Variants in SNX2 observed in about 807,000 individuals in gnomAD.
SNX2 encodes the protein sorting nexin 2.
SNX2 carries 25 observed loss-of-function variants against 69.9 expected under a neutral mutation model. That is an observed-to-expected ratio of 0.36 (90% CI 0.26 to 0.50). The LOEUF is 0.50. Among genes scored for constraint, SNX2 ranks in the 20% least tolerant of loss-of-function variants. The probability of loss-of-function intolerance (pLI) is 0.97; values close to 1 mark genes in which losing one functional copy is unlikely to be tolerated. For missense variants in SNX2, 551 were observed against 613.3 expected, an observed-to-expected ratio of 0.90 and a Z score of 1.07; for synonymous variants, 229 against 200.4, an observed-to-expected ratio of 1.14 and a Z score of -1.20.
intron 1 of SNX2, among the ~76,000 whole-genome samples, chr5:122,779,895 C>T (rs1314773234): frequency 1.3e-5 from 2 of 152,042 alleles, no homozygotes; most frequent in African/African-American, 4.8e-5. Flanking sequence ...TCCTGTCCTC[C>T]CCTTACAGGC....
intron 1 of SNX2, 149 bp from the exon 2 acceptor site, chr5:122,795,117 C>A: frequency 1.7e-6 from 1 of 573,224 alleles, no homozygotes; most frequent in East Asian, 2.8e-5. Flanking sequence ...TTAGTTCATT[C>A]TTACTCTCAG....
intron 10 of SNX2, 51 bp downstream of exon 10, chr5:122,817,424 T>C (rs778437567): frequency 4.5e-6 from 5 of 1,102,146 alleles, no homozygotes; most frequent in Non-Finnish European, 6.5e-6. Context: ...CTAATGAAAA[T>C]ATTTTATTTA....
rs1361123139 is a variant in SNX2 at position 122,831,331 on chromosome 5, C to G, written c.*1683C>G. Among the ~76,000 whole-genome samples the G allele has an allele frequency of 1.3e-5, 2 of 151,840 alleles. No individual in the cohort carries two copies. The highest frequency in any genetic ancestry group is 2.9e-5 in the Non-Finnish European group (2 of 67,972). On this transcript the variant is annotated 3_prime_UTR_variant, in exon 15 of 15. Coordinates refer to ENST00000379516, the MANE Select transcript of SNX2 (RefSeq NM_003100.4). ...AATAATAAGGGCTTGATGGGCCAGG[C>G]ACAGTGACTCACATGCCTGTAGTCC... is the stretch of plus-strand genomic sequence containing the variant.
At chr5:122,801,848 A>G (rs201925986) in intron 3 of SNX2, 21 bp from the exon 4 acceptor site, 1 of 1,452,060 alleles carries the variant, frequency 6.9e-7, no homozygotes, top group South Asian at 1.2e-5. Context: ...TTAATGCCAA[A>G]AAATAATTTA....
intron 1 of SNX2, among the ~76,000 whole-genome samples, chr5:122,789,812 T>C (rs1289812315): frequency 6.6e-6 from 1 of 152,202 alleles, no homozygotes; most frequent in Non-Finnish European, 1.5e-5. Context: ...AGGAAAGGAA[T>C]AGACTCTCTA....
intron 12 of SNX2, 54 bp from the exon 13 acceptor site, chr5:122,827,325 C>T (rs1231565326): frequency 7.0e-7 from 1 of 1,431,836 alleles, no homozygotes; most frequent in Non-Finnish European, 9.8e-7. Flanking sequence ...GTGGTCTTGA[C>T]AGTACTATAC....
chr5:122,811,091 G>A lies in SNX2; in HGVS notation c.722+2736G>A, dbSNP rs569304600. Among the ~76,000 whole-genome samples, 6 of 152,260 alleles carry A rather than the reference G, an allele frequency of 3.9e-5. No homozygotes were observed. In the South Asian group the frequency reaches 1.2e-3, roughly 32 times the overall value. ...CATCTGTGGGATACCCAACCCAGTT[G>A]GATCTGGTGGGTTAGGGAAGCATTT... is the stretch of plus-strand genomic sequence containing the variant. On this transcript the variant is annotated intron_variant, in intron 7 of 14. Coordinates refer to ENST00000379516, the MANE Select transcript of SNX2 (RefSeq NM_003100.4).
rs1752840995 is a variant in SNX2 at position 122,775,670 on chromosome 5, G to A, written c.108+459G>A. The A allele has an allele frequency of 6.1e-6, 6 of 986,834 alleles. No homozygotes were observed. The South Asian group carries it at 2.8e-4, about 46-fold the overall frequency. The allele number at this position is 986,834 out of a possible 1,614,324, so 61.1% of individuals were successfully genotyped here. Reference sequence around the variant, plus strand: ...GAGCGCTGAGGGGCCGAGGGTCTGTGGGGAACGAATGGGTGCACTTTCCCA... The same window carrying A: ...GAGCGCTGAGGGGCCGAGGGTCTGTAGGGAACGAATGGGTGCACTTTCCCA... On this transcript the variant is annotated intron_variant, in intron 1 of 14. Coordinates refer to ENST00000379516, the MANE Select transcript of SNX2 (RefSeq NM_003100.4).
chr5:122,793,068 A>G (rs1250175102), intron 1 of SNX2, among the ~76,000 whole-genome samples: 1 of 152,230 alleles, frequency 6.6e-6, no homozygotes, highest in Non-Finnish European at 1.5e-5. Context: ...GTTTACTAAT[A>G]ACTTCTAAAG....
intron 14 of SNX2, among the ~76,000 whole-genome samples, chr5:122,828,464 G>A (rs1754208615): frequency 6.6e-6 from 1 of 151,950 alleles, no homozygotes; most frequent in African/African-American, 2.4e-5. Context: ...GACTATTCAA[G>A]GAAGACTGAC....
intron 2 of SNX2, among the ~76,000 whole-genome samples, chr5:122,798,424 A>C (rs1166938306): frequency 6.6e-6 from 1 of 152,228 alleles, no homozygotes; most frequent in Admixed American, 6.5e-5. Context: ...TCTCATCAAC[A>C]TGAGATAACC....
At position 122,834,384 on chromosome 5, in the gene SNX2, T is replaced by C. The variant is rs947767919; in HGVS notation, c.*4736T>C. The C allele has an allele frequency of 3.9e-5, 6 of 152,228 alleles. No individual in the cohort carries two copies. The highest frequency in any genetic ancestry group is 1.4e-4 in the African/African-American group (6 of 41,466). 9.4% of individuals were successfully genotyped at this position (152,228 alleles called of 1,614,324 possible). A position where few individuals can be genotyped will look rare whatever the true frequency, so the allele number is the denominator to read the frequency against. ...TTAACTGGGCAAAATGGAAACTTTG[T>C]AACTGAAGCCAGTCAAGGTGAATAC... On this transcript the variant is annotated 3_prime_UTR_variant, in exon 15 of 15. Transcript: ENST00000379516.
At chr5:122,805,937 C>T (rs957478841) in intron 6 of SNX2, among the ~76,000 whole-genome samples, 2 of 151,864 alleles carry the variant, frequency 1.3e-5, no homozygotes, top group African/African-American at 2.4e-5. Flanking sequence ...CCCGCCACCA[C>T]GCACAGCTAA....
At chr5:122,801,694 A>G (rs58846352) in intron 3 of SNX2, among the ~76,000 whole-genome samples, 175 bp from the exon 4 acceptor site, 3 of 87,146 alleles carry the variant, frequency 3.4e-5, no homozygotes, top group Admixed American at 2.2e-4. Context: ...TGTGTGTTTT[A>G]TTTATAAAGT....
chr5:122,782,494 C>T (rs931222498), intron 1 of SNX2, among the ~76,000 whole-genome samples: 2 of 152,074 alleles, frequency 1.3e-5, no homozygotes, highest in Non-Finnish European at 1.5e-5. Flanking sequence ...CCTTCTCAGC[C>T]TCCCAAAGTG....
chr5:122,782,237 T>A (rs1019718712), intron 1 of SNX2, among the ~76,000 whole-genome samples: 2 of 152,182 alleles, frequency 1.3e-5, no homozygotes, highest in South Asian at 2.1e-4. Context: ...TTTGCTTATT[T>A]TTTTATTTTA....
chr5:122,820,552 C>T (rs968813122), intron 11 of SNX2, among the ~76,000 whole-genome samples: 6 of 151,680 alleles, frequency 4.0e-5, no homozygotes, highest in East Asian at 3.9e-4. Flanking sequence ...AAAAAGAATA[C>T]GTATCTGCTA....
chr5:122,801,571 C>G (rs1753510989), intron 3 of SNX2, among the ~76,000 whole-genome samples: 1 of 148,476 alleles, frequency 6.7e-6, no homozygotes, highest in Non-Finnish European at 1.5e-5. Flanking sequence ...AGCCACTGCA[C>G]TCCTGCCTGG....
Position 122,808,262 on chromosome 5 carries a change from T to G in SNX2, c.644-15T>G. On this transcript the variant is annotated splice_polypyrimidine_tract_variant and intron_variant, in intron 6 of 14. Transcript: ENST00000379516. ...AATATAAAGTCATCATGAATCTCATTCAACTTCTTCAAAGGGATGACCAAG... is the reference window on the plus strand; with the variant it reads ...AATATAAAGTCATCATGAATCTCATGCAACTTCTTCAAAGGGATGACCAAG... 6.5e-7 allele frequency: 1 copy of G among 1,546,994 alleles called. No homozygotes were observed. The highest frequency in any genetic ancestry group is 8.9e-7 in the Non-Finnish European group (1 of 1,129,936).
Sources: gnomAD v4.1 joint callset for allele counts (sites outside exome capture counted in the v4.1 genomes callset) on GRCh38, gnomAD v4.1.1 for gene constraint, MANE v1.5 for transcripts, NCBI Gene and HGNC (gene_info 2026-07-23, HGNC 2026-07-21) for gene names.